Variants in SLC44A5 observed in about 807,000 individuals in gnomAD.
SLC44A5 encodes solute carrier family 44 member 5.
In SLC44A5, 57 loss-of-function variants were observed where a neutral mutation model predicts 101.8. That is an observed-to-expected ratio of 0.56 (90% confidence interval 0.45 to 0.70). SLC44A5 has a LOEUF of 0.70. Ranked by LOEUF, SLC44A5 falls within the 30% of genes least tolerant of loss-of-function variation. The probability of loss-of-function intolerance (pLI) is 0.00; values close to 1 mark genes in which losing one functional copy is unlikely to be tolerated. For synonymous variants in SLC44A5, 281 were observed against 290.9 expected, an observed-to-expected ratio of 0.97 and a Z score of 0.35; for missense variants, 737 against 853.1, an observed-to-expected ratio of 0.86 and a Z score of 1.70.
upstream of SLC44A5, among the ~76,000 whole-genome samples, chr1:75,612,068 A>G (rs990246190): frequency 1.3e-5 from 2 of 152,164 alleles, no homozygotes; most frequent in Non-Finnish European, 2.9e-5. Flanking sequence ...TTGTTTTCTA[A>G]GCAGGGATTC....
At chr1:75,466,772 A>C (rs1481869767) in intron 2 of SLC44A5, among the ~76,000 whole-genome samples, 1 of 152,158 alleles carries the variant, frequency 6.6e-6, no homozygotes, top group African/African-American at 2.4e-5. Flanking sequence ...CTTTCCTCTA[A>C]GATCTGGAAC....
chr1:75,556,799 G>A (rs552961066), intron 1 of SLC44A5, among the ~76,000 whole-genome samples: 3 of 152,026 alleles, frequency 2.0e-5, no homozygotes, highest in Non-Finnish European at 4.4e-5. Context: ...CCACCCCCAC[G>A]CACAGTGTAC....
At chr1:75,400,027 T>C (rs1368798219) in intron 2 of SLC44A5, among the ~76,000 whole-genome samples, 1 of 152,166 alleles carries the variant, frequency 6.6e-6, no homozygotes, top group African/African-American at 2.4e-5. Context: ...ATCATGTCCA[T>C]AGCAGCAACG....
intron 13 of SLC44A5, among the ~76,000 whole-genome samples, chr1:75,224,205 T>C (rs539996093): frequency 3.9e-5 from 6 of 152,304 alleles, no homozygotes; most frequent in African/African-American, 1.4e-4. Context: ...TTTGGAGGGA[T>C]GTTGGTGTAA....
intron 1 of SLC44A5, among the ~76,000 whole-genome samples, chr1:75,589,418 T>C (rs1405615946): frequency 6.6e-6 from 1 of 152,198 alleles, no homozygotes; most frequent in Non-Finnish European, 1.5e-5. Context: ...CTCAACGACA[T>C]AGTGTAGCTT....
At chr1:75,306,775 C>T (rs1654941075) in intron 4 of SLC44A5, among the ~76,000 whole-genome samples, 1 of 123,124 alleles carries the variant, frequency 8.1e-6, no homozygotes, top group Admixed American at 1.1e-4. Flanking sequence ...TGCTCTGTGG[C>T]CCAGGCGGGA....
At chr1:75,297,570 C>G (rs1654060952) in intron 5 of SLC44A5, among the ~76,000 whole-genome samples, 1 of 152,188 alleles carries the variant, frequency 6.6e-6, no homozygotes, top group Non-Finnish European at 1.5e-5. Context: ...TAGGCATGAG[C>G]CACTGCCACC....
chr1:75,619,096 A>AG, the SLC44A5 span, among the ~76,000 whole-genome samples: 1 of 117,672 alleles, frequency 8.5e-6, no homozygotes. Context: ...GGGGAAGGAA[A>AG]GAAGGAAGGA....
At chr1:75,664,296 T>C in the SLC44A5 span, among the ~76,000 whole-genome samples, 1 of 152,118 alleles carries the variant, frequency 6.6e-6, no homozygotes, top group African/African-American at 2.4e-5. Flanking sequence ...AACATAGTAC[T>C]GGAATACTTT....
At chr1:75,537,148 A>G (rs1671099358) in intron 2 of SLC44A5, among the ~76,000 whole-genome samples, 2 of 151,250 alleles carry the variant, frequency 1.3e-5, no homozygotes, top group Non-Finnish European at 2.9e-5. Flanking sequence ...AGCAACTACT[A>G]TTTATGTATG....
chr1:75,346,446 A>G (rs532074625), intron 3 of SLC44A5, among the ~76,000 whole-genome samples: 3 of 152,212 alleles, frequency 2.0e-5, no homozygotes, highest in Admixed American at 6.5e-5. Flanking sequence ...AAAATATATA[A>G]AGCACTCAGG....
At chr1:75,454,165 A>T (rs899553111) in intron 2 of SLC44A5, among the ~76,000 whole-genome samples, 1 of 152,042 alleles carries the variant, frequency 6.6e-6, no homozygotes, top group African/African-American at 2.4e-5. Flanking sequence ...CACTAGCAAC[A>T]TGAATCCAGC....
chr1:75,661,123 CT>C, the SLC44A5 span, among the ~76,000 whole-genome samples: 3 of 151,972 alleles, frequency 2.0e-5, no homozygotes, highest in Non-Finnish European at 1.5e-5. Context: ...CAGCTTAGTA[CT>C]TGCATACAAA....
intron 2 of SLC44A5, among the ~76,000 whole-genome samples, chr1:75,476,876 G>C (rs1421971475): frequency 6.6e-6 from 1 of 152,250 alleles, no homozygotes; most frequent in East Asian, 1.9e-4. Flanking sequence ...AAATGTTCCT[G>C]TCTGACAGCT....
intron 4 of SLC44A5, among the ~76,000 whole-genome samples, chr1:75,334,364 C>A (rs561598093): frequency 4.6e-5 from 7 of 152,192 alleles, no homozygotes; most frequent in Admixed American, 1.3e-4. Context: ...TCTGGCAGGA[C>A]AGAGTTGGTT....
intron 2 of SLC44A5, among the ~76,000 whole-genome samples, chr1:75,518,960 G>C (rs999600633): frequency 3.9e-5 from 6 of 152,116 alleles, no homozygotes; most frequent in African/African-American, 1.4e-4. Context: ...ACATTCAAAA[G>C]CACTGAACTG....
the SLC44A5 span, among the ~76,000 whole-genome samples, chr1:75,649,956 C>T: frequency 7.9e-5 from 12 of 152,150 alleles, no homozygotes; most frequent in Non-Finnish European, 1.3e-4. Context: ...TGGGTAATAT[C>T]TCTTACTTGT....
intron 2 of SLC44A5, among the ~76,000 whole-genome samples, chr1:75,537,024 A>AT (rs1671072574): frequency 3.2e-5 from 2 of 61,762 alleles, no homozygotes; most frequent in Admixed American, 2.3e-4. Flanking sequence ...AAAAAAAAAA[A>AT]AAAAAAAAAA....
At chr1:75,470,218 G>A (rs928445743) in intron 2 of SLC44A5, among the ~76,000 whole-genome samples, 2 of 152,098 alleles carry the variant, frequency 1.3e-5, no homozygotes, top group East Asian at 3.8e-4. Flanking sequence ...AAGTCTACAC[G>A]TGAAGCTAAA....
Sources: allele counts gnomAD v4.1 joint callset (sites outside exome capture counted in the v4.1 genomes callset), GRCh38; gene constraint gnomAD v4.1.1; transcripts MANE v1.5; gene names NCBI Gene and HGNC (gene_info 2026-07-23, HGNC 2026-07-21).